The following ANP32A variants were observed in gnomAD, a reference collection of about 807,000 sequenced individuals.
The protein encoded by ANP32A is acidic nuclear phosphoprotein 32 family member A.
A neutral mutation model predicts 33.9 loss-of-function variants in ANP32A; 1 was observed. That is an observed-to-expected ratio of 0.03 (90% CI 0.01 to 0.14). The LOEUF is 0.14. Ranked by LOEUF, ANP32A falls within the 10% of genes least tolerant of loss-of-function variation. ANP32A has a pLI of 1.00. For synonymous variants in ANP32A, 115 were observed against 120.5 expected (o/e 0.95, Z 0.30); for missense variants, 155 against 306.0 (o/e 0.51, Z 3.68).
At chr15:68,782,219 C>T (rs1333708513) in intron 5 of ANP32A, among the ~76,000 whole-genome samples, 1 of 152,210 alleles carries the variant, frequency 6.6e-6, no homozygotes, top group African/African-American at 2.4e-5. Context: ...GTGCCAGGAA[C>T]CTGGAGGAGG....
At chr15:68,799,493 ACAAACC>A (rs1894103112) in intron 1 of ANP32A, among the ~76,000 whole-genome samples, 1 of 152,198 alleles carries the variant, frequency 6.6e-6, no homozygotes, top group African/African-American at 2.4e-5. Flanking sequence ...AAAAACAAAA[ACAAACC>A]CCAAACCAAA....
At chr15:68,796,069 G>GA (rs1275980054) in intron 1 of ANP32A, among the ~76,000 whole-genome samples, 1 of 152,148 alleles carries the variant, frequency 6.6e-6, no homozygotes, top group African/African-American at 2.4e-5. Flanking sequence ...ACGACCCAGT[G>GA]AAAATCTTAC....
chr15:68,818,053 AAAAT>A (rs1463226009), intron 1 of ANP32A, among the ~76,000 whole-genome samples: 5 of 152,208 alleles, frequency 3.3e-5, no homozygotes, highest in South Asian at 4.1e-4. Flanking sequence ...TAAATAAATA[AAAAT>A]AAATAAATAA....
intron 1 of ANP32A, among the ~76,000 whole-genome samples, chr15:68,789,071 T>C (rs890035016): frequency 7.9e-5 from 12 of 152,302 alleles, no homozygotes; most frequent in African/African-American, 2.6e-4. Flanking sequence ...TCCAGGCAGC[T>C]GGCCCAGAGT....
At position 68,780,617 on chromosome 15, in the gene ANP32A, A is replaced by G. The variant is rs1308821539; in HGVS notation, c.625-144T>C. 16 of 1,364,538 alleles carry G rather than the reference A, an allele frequency of 1.2e-5. No individual in the cohort carries two copies. In the Middle Eastern group the frequency reaches 5.8e-4, roughly 50 times the overall value. The allele number at this position is 1,364,538 out of a possible 1,614,324, so 84.5% of individuals were successfully genotyped here. ...GACTTGACATCTCGGGAGGAATGTAAAGCAGAGGTTCTTAATTTATTTCAG... is the reference window on the plus strand; with the variant it reads ...GACTTGACATCTCGGGAGGAATGTAGAGCAGAGGTTCTTAATTTATTTCAG... On this transcript the variant is annotated intron_variant, in intron 5 of 6. Coordinates refer to ENST00000465139, the MANE Select transcript of ANP32A (RefSeq NM_006305.4). This position sits in a 1 kb window ranked among gnomAD's most constrained non-coding sequence, Gnocchi z 4.3.
At chr15:68,819,306 C>T (rs1894437785) in intron 1 of ANP32A, among the ~76,000 whole-genome samples, 2 of 152,154 alleles carry the variant, frequency 1.3e-5, no homozygotes, top group South Asian at 2.1e-4. Flanking sequence ...CCCAGAGCCG[C>T]CAACTCGCCG....
At chr15:68,792,136 A>G (rs1234717744) in intron 1 of ANP32A, 4 of 152,260 alleles carry the variant, frequency 2.6e-5, no homozygotes, top group African/African-American at 7.2e-5. Flanking sequence ...AAAAGAAAAA[A>G]AAAAAACCAA....
At chr15:68,791,201 T>A (rs371291812) in intron 1 of ANP32A, 1 of 152,242 alleles carries the variant, frequency 6.6e-6, no homozygotes. Context: ...CACCCCTTTG[T>A]CCAGTCCCAT....
chr15:68,815,455 A>AT (rs1387269690), intron 1 of ANP32A, among the ~76,000 whole-genome samples: 1 of 152,086 alleles, frequency 6.6e-6, no homozygotes, highest in Non-Finnish European at 1.5e-5. Context: ...TGGATTTCTT[A>AT]TTTTTTGGGA....
chr15:68,793,187 G>C (rs142953837), intron 1 of ANP32A, among the ~76,000 whole-genome samples: 1 of 152,328 alleles, frequency 6.6e-6, no homozygotes, highest in Non-Finnish European at 1.5e-5. Flanking sequence ...GCGGAGACCA[G>C]AGCAACTGCT....
At chr15:68,793,310 A>C (rs1303910763) in intron 1 of ANP32A, among the ~76,000 whole-genome samples, 1 of 152,186 alleles carries the variant, frequency 6.6e-6, no homozygotes, top group African/African-American at 2.4e-5. Flanking sequence ...TGTTGAATGA[A>C]CCCTATCTTT....
chr15:68,816,486 G>A (rs559043896), intron 1 of ANP32A, among the ~76,000 whole-genome samples: 1 of 152,108 alleles, frequency 6.6e-6, no homozygotes, highest in Non-Finnish European at 1.5e-5. Context: ...CAGACACAGC[G>A]TGGTTGCTAT....
At chr15:68,805,267 G>A (rs2958405) in intron 1 of ANP32A, among the ~76,000 whole-genome samples, 62,494 of 152,118 alleles carry the variant, frequency 0.41, 13,827 homozygotes, top group East Asian at 0.8. Context: ...TGACAGTGAC[G>A]GCAGCTGGTG....
intron 1 of ANP32A, among the ~76,000 whole-genome samples, chr15:68,793,277 T>C (rs957015616): frequency 3.3e-5 from 5 of 152,236 alleles, no homozygotes; most frequent in African/African-American, 4.8e-5. Context: ...TCATGAAACG[T>C]ATTCAACAGT....
At chr15:68,804,585 T>G (rs995023082) in intron 1 of ANP32A, among the ~76,000 whole-genome samples, 7 of 152,100 alleles carry the variant, frequency 4.6e-5, no homozygotes, top group African/African-American at 1.7e-4. Flanking sequence ...CAGGCTGGAG[T>G]GTAGTGGCAC....
At chr15:68,811,742 T>C (rs903776165) in intron 1 of ANP32A, among the ~76,000 whole-genome samples, 1 of 152,100 alleles carries the variant, frequency 6.6e-6, no homozygotes, top group Non-Finnish European at 1.5e-5. Flanking sequence ...ATAATGTAAG[T>C]TGGGTTTTTT....
At chr15:68,801,520 T>G (rs1215945117) in intron 1 of ANP32A, among the ~76,000 whole-genome samples, 8 of 152,062 alleles carry the variant, frequency 5.3e-5, no homozygotes, top group Non-Finnish European at 1.5e-5. Context: ...TGGGACCCAA[T>G]GAGATCATGG....
At chr15:68,805,851 T>C (rs1232965645) in intron 1 of ANP32A, among the ~76,000 whole-genome samples, 1 of 152,140 alleles carries the variant, frequency 6.6e-6, no homozygotes, top group Non-Finnish European at 1.5e-5. Flanking sequence ...TGCCTTTGCT[T>C]GAAGGCTTAC....
At chr15:68,785,504 G>A (rs1893920489) in intron 3 of ANP32A, among the ~76,000 whole-genome samples, 1 of 152,206 alleles carries the variant, frequency 6.6e-6, no homozygotes, top group Admixed American at 6.5e-5. Flanking sequence ...TGAAACCATT[G>A]CTCCTTGGAG....
Sources: gnomAD v4.1 joint callset for allele counts (sites outside exome capture counted in the v4.1 genomes callset) on GRCh38, gnomAD v4.1.1 for gene constraint, Gnocchi (gnomAD v3.1) non-coding constraint, MANE v1.5 for transcripts, NCBI Gene and HGNC (gene_info 2026-07-23, HGNC 2026-07-21) for gene names.